MALRD1: variants seen among roughly 807,000 people sequenced by gnomAD.
MALRD1 encodes the protein MAM and LDL receptor class A domain containing 1, also known as MAM and LDL-receptor class A domain-containing protein 1.
A neutral mutation model predicts 242.1 loss-of-function variants in MALRD1; 247 were observed. The observed-to-expected ratio is 1.02, with a 90% CI of 0.92 to 1.13. MALRD1 has a LOEUF of 1.13. MALRD1 is among the 50% of genes most tolerant of loss of function. The probability of loss-of-function intolerance (pLI) is 0.00; values close to 1 mark genes in which losing one functional copy is unlikely to be tolerated. For synonymous variants in MALRD1, 995 were observed against 866.6 expected, an observed-to-expected ratio of 1.15 and a Z score of -2.60; for missense variants, 2,989 against 2,533.1, an observed-to-expected ratio of 1.18 and a Z score of -3.86.
At chr10:19,484,796 A>G (rs896087145) in intron 29 of MALRD1, among the ~76,000 whole-genome samples, 1 of 152,206 alleles carries the variant, frequency 6.6e-6, no homozygotes, top group Non-Finnish European at 1.5e-5. Context: ...TAGATGTACC[A>G]TTTGATCCAG....
chr10:19,473,784 T>G (rs549799599), intron 29 of MALRD1, among the ~76,000 whole-genome samples: 1 of 152,272 alleles, frequency 6.6e-6, no homozygotes, highest in South Asian at 2.1e-4. Flanking sequence ...GCTATGACAT[T>G]AGTGCACAAA....
At chr10:19,289,959 A>G (rs1038213696) in intron 21 of MALRD1, among the ~76,000 whole-genome samples, 2 of 152,166 alleles carry the variant, frequency 1.3e-5, no homozygotes, top group African/African-American at 4.8e-5. Context: ...TTTATAAGCA[A>G]GTATAAGAGA....
chr10:19,676,400 G>A (rs1030825259), intron 36 of MALRD1, among the ~76,000 whole-genome samples: 2 of 152,090 alleles, frequency 1.3e-5, no homozygotes, highest in African/African-American at 4.8e-5. Context: ...GAAATTGATG[G>A]GACAGTCATG....
intron 31 of MALRD1, among the ~76,000 whole-genome samples, chr10:19,526,162 A>G (rs1422159083): frequency 6.6e-6 from 1 of 152,138 alleles, no homozygotes; most frequent in Non-Finnish European, 1.5e-5. Flanking sequence ...GTCTCAATGA[A>G]GCAACTGAAA....
chr10:19,463,595 T>TAC (rs1836061090), intron 29 of MALRD1, among the ~76,000 whole-genome samples: 1 of 124,174 alleles, frequency 8.1e-6, no homozygotes, highest in Admixed American at 8.7e-5. Context: ...TGTGTGTATA[T>TAC]ACTCTTTCTT....
rs1198117151 is a variant in MALRD1, at chr10:19,521,777, A to G, written c.5321-9417A>G. The stretch of plus-strand genomic sequence containing the variant: ...TTCCACATTTGAGTTCCATACTATC[A>G]TTTGCCCACTAGGTAATTGTTAGTA... On this transcript the variant is annotated intron_variant, in intron 31 of 39. Transcript: ENST00000454679. Among the ~76,000 whole-genome samples, 4 of 152,092 alleles carry G rather than the reference A, an allele frequency of 2.6e-5. No individual in the cohort carries two copies. The East Asian group carries it at 5.8e-4, about 22-fold the overall frequency.
At chr10:19,540,204 T>C (rs372287803) in intron 32 of MALRD1, among the ~76,000 whole-genome samples, 1 of 152,150 alleles carries the variant, frequency 6.6e-6, no homozygotes, top group East Asian at 1.9e-4. Flanking sequence ...ACCCCTTCTT[T>C]AGGCTAGTGC....
intron 19 of MALRD1, among the ~76,000 whole-genome samples, chr10:19,266,941 C>G (rs1839997512): frequency 6.6e-6 from 1 of 151,978 alleles, no homozygotes; most frequent in Non-Finnish European, 1.5e-5. Context: ...TGCTCTGAGA[C>G]ATTTATATTA....
At chr10:19,164,651 C>G (rs1009261212) in intron 12 of MALRD1, among the ~76,000 whole-genome samples, 2 of 152,136 alleles carry the variant, frequency 1.3e-5, no homozygotes, top group Admixed American at 6.5e-5. Context: ...ATGAATCATC[C>G]AAACAACATT....
chr10:19,647,086 T>A (rs900442979), intron 36 of MALRD1, among the ~76,000 whole-genome samples: 5 of 152,158 alleles, frequency 3.3e-5, no homozygotes, highest in African/African-American at 1.2e-4. Context: ...AACAGAGCCC[T>A]AGCATCAGGA....
intron 31 of MALRD1, among the ~76,000 whole-genome samples, chr10:19,502,811 G>T (rs1165932016): frequency 6.6e-6 from 1 of 152,102 alleles, no homozygotes; most frequent in Non-Finnish European, 1.5e-5. Flanking sequence ...AAAACTGCAG[G>T]CTCAGTTGAG....
At position 19,646,709 on chromosome 10, in the gene MALRD1, C is replaced by T. The variant is rs541047924; in HGVS notation, c.6137+30786C>T. On this transcript the variant is annotated intron_variant, in intron 36 of 39. Coordinates refer to ENST00000454679, the MANE Select transcript of MALRD1 (RefSeq NM_001142308.3). ...AGGTAAGTACTGTTTATCTCTGTATCCCTGACACTCAAAACAGTGTCTGGC... is the reference window on the plus strand; with the variant it reads ...AGGTAAGTACTGTTTATCTCTGTATTCCTGACACTCAAAACAGTGTCTGGC... Among the ~76,000 whole-genome samples the T allele has an allele frequency of 2.0e-5, 3 of 152,188 alleles. No homozygotes were observed. In the South Asian group the frequency reaches 6.2e-4, roughly 32 times the overall value.
intron 20 of MALRD1, among the ~76,000 whole-genome samples, chr10:19,281,270 T>A (rs998771603): frequency 1.3e-5 from 2 of 152,136 alleles, no homozygotes; most frequent in Non-Finnish European, 2.9e-5. Context: ...GAAGGTGTGG[T>A]GGTGTTCAGA....
intron 38 of MALRD1, among the ~76,000 whole-genome samples, chr10:19,718,032 A>AGAG (rs1255623928): frequency 8.3e-6 from 1 of 119,892 alleles, no homozygotes; most frequent in African/African-American, 4.4e-5. Context: ...AAATAAATAA[A>AGAG]GAGGAAGAAG....
At chr10:19,442,535 T>C (rs956275509) in intron 28 of MALRD1, among the ~76,000 whole-genome samples, 33 of 152,302 alleles carry the variant, frequency 2.2e-4, no homozygotes, top group African/African-American at 6.7e-4. Context: ...GGAAGGGCTG[T>C]TGAATTTTGT....
At chr10:19,084,965 G>A (rs1047429274) in intron 2 of MALRD1, among the ~76,000 whole-genome samples, 1 of 152,044 alleles carries the variant, frequency 6.6e-6, no homozygotes, top group Non-Finnish European at 1.5e-5. Context: ...CACAACGTGG[G>A]AATTTAAGTA....
intron 1 of MALRD1, among the ~76,000 whole-genome samples, chr10:19,065,304 A>G (rs1377238533): frequency 6.6e-6 from 1 of 150,586 alleles, no homozygotes; most frequent in Non-Finnish European, 1.5e-5. Context: ...AAAAAAAAAA[A>G]AAAAAGGAAG....
chr10:19,182,543 G>C (rs1835556106), intron 14 of MALRD1, among the ~76,000 whole-genome samples: 1 of 151,640 alleles, frequency 6.6e-6, no homozygotes, highest in Non-Finnish European at 1.5e-5. Context: ...TGTTAGCCAG[G>C]ATGGTCTCGA....
At chr10:19,444,805 A>G (rs1222150142) in intron 28 of MALRD1, among the ~76,000 whole-genome samples, 2 of 152,082 alleles carry the variant, frequency 1.3e-5, no homozygotes, top group African/African-American at 4.8e-5. Context: ...GCTCTTCTCA[A>G]GGAGTATCTT....
Sources: gnomAD v4.1 joint callset for allele counts (sites outside exome capture counted in the v4.1 genomes callset) on GRCh38, gnomAD v4.1.1 for gene constraint, MANE v1.5 for transcripts, NCBI Gene and HGNC (gene_info 2026-07-23, HGNC 2026-07-21) for gene names.